Variants in TRDN observed in about 807,000 individuals in gnomAD.
TRDN encodes triadin in skeletal muscle.
A neutral mutation model predicts 149.7 loss-of-function variants in TRDN; 161 were observed. The observed-to-expected ratio is 1.08, with a 90% confidence interval of 0.95 to 1.23. The LOEUF is 1.23. TRDN is among the 50% of genes most tolerant of loss of function. TRDN has a pLI of 0.00. For missense variants in TRDN, 896 were observed against 823.5 expected, an observed-to-expected ratio of 1.09 and a Z score of -1.08; for synonymous variants, 294 against 250.5, an observed-to-expected ratio of 1.17 and a Z score of -1.64.
Position 123,630,247 on chromosome 6 carries a change from T to G in TRDN, c.22+6507A>C, listed in dbSNP as rs9482417. ...TGTCCCCAACGGGTTTCTTTTTGTT[T>G]GAAAGAAGAAAAGAATAATGTTTTA... On this transcript the variant is annotated intron_variant, in intron 1 of 40. Transcript: ENST00000334268. Among the ~76,000 whole-genome samples the G allele has an allele frequency of 2.2e-3, 330 of 152,172 alleles. 1 individual carries two copies. Among genetic ancestry groups the G allele is most frequent in the African/African-American group, 7.6e-3 (316 of 41,558 alleles).
At chr6:123,366,756 G>A (rs1330298947) in intron 19 of TRDN, among the ~76,000 whole-genome samples, 2 of 152,074 alleles carry the variant, frequency 1.3e-5, no homozygotes, top group Non-Finnish European at 2.9e-5. Context: ...GACCTCAGGT[G>A]ATCCGCCCGC....
intron 12 of TRDN, among the ~76,000 whole-genome samples, chr6:123,400,534 C>A (rs1772923300): frequency 6.6e-6 from 1 of 152,026 alleles, no homozygotes; most frequent in Admixed American, 6.6e-5. Flanking sequence ...AATCTAAAGC[C>A]CCCGCTGATC....
chr6:123,500,743 T>C (rs797015985), intron 8 of TRDN, among the ~76,000 whole-genome samples: 5 of 152,274 alleles, frequency 3.3e-5, no homozygotes, highest in African/African-American at 1.2e-4. Flanking sequence ...GGAAAATACA[T>C]TCTGGGTGCA....
chr6:123,498,048 T>C (rs965528937), intron 8 of TRDN: 2 of 153,664 alleles, frequency 1.3e-5, no homozygotes, highest in African/African-American at 4.8e-5. Flanking sequence ...GAACTTTAGA[T>C]TCTCCTGAGG....
intron 33 of TRDN, 37 bp from the exon 34 acceptor site, chr6:123,260,675 G>T: frequency 1.5e-6 from 2 of 1,353,462 alleles, no homozygotes; most frequent in Middle Eastern, 2.7e-4. Flanking sequence ...TAGAAAGAAA[G>T]GAAAAAAAAT....
chr6:123,233,433 C>T (rs2114526467), intron 38 of TRDN, among the ~76,000 whole-genome samples: 1 of 152,088 alleles, frequency 6.6e-6, no homozygotes, highest in South Asian at 2.1e-4. Context: ...ACAGTGAAGC[C>T]AGGAGTGTTC....
chr6:123,487,969 TCTA>T (rs1778045769), intron 9 of TRDN, among the ~76,000 whole-genome samples: 1 of 152,140 alleles, frequency 6.6e-6, no homozygotes, highest in South Asian at 2.1e-4. Context: ...CTAAACTTAT[TCTA>T]CTATTTATTT....
chr6:123,503,702 C>G lies in TRDN; in HGVS notation c.793+17G>C, dbSNP rs1482106028. The G allele has an allele frequency of 1.2e-6, 2 of 1,613,486 alleles. No homozygotes were observed. Among genetic ancestry groups the G allele is most frequent in the Non-Finnish European group, 1.7e-6 (2 of 1,179,716 alleles). On this transcript the variant is annotated intron_variant, in intron 8 of 40. Coordinates refer to ENST00000334268, the MANE Select transcript of TRDN (RefSeq NM_006073.4). ...TTCTCTTAGAACCTCCGGCAGCCTC[C>G]TGCTCTGAATGTTTACCTTTCTGTT...
At chr6:123,571,188 T>C in intron 1 of TRDN, 56 bp from the exon 2 acceptor site, 1 of 1,574,656 alleles carries the variant, frequency 6.4e-7, no homozygotes, top group Non-Finnish European at 8.7e-7. Context: ...TAAATATTGA[T>C]GATGAGAAAC....
chr6:123,612,666 T>C (rs1256402256), intron 1 of TRDN, among the ~76,000 whole-genome samples: 1 of 151,950 alleles, frequency 6.6e-6, no homozygotes, highest in African/African-American at 2.4e-5. Context: ...GGCTCCCAAA[T>C]AGCTGGGACT....
intron 4 of TRDN, among the ~76,000 whole-genome samples, chr6:123,538,542 C>T (rs1320867195): frequency 1.3e-5 from 2 of 152,136 alleles, no homozygotes; most frequent in Non-Finnish European, 2.9e-5. Flanking sequence ...AATACTCTCT[C>T]CCCCTTGAAG....
intron 8 of TRDN, 132 bp downstream of exon 8, chr6:123,503,587 T>C: frequency 3.4e-6 from 5 of 1,475,778 alleles, no homozygotes; most frequent in Non-Finnish European, 3.6e-6. Context: ...TTTTCTGATA[T>C]ATTTACTTTA....
chr6:123,611,104 T>C (rs892354598), intron 1 of TRDN, among the ~76,000 whole-genome samples: 2 of 152,208 alleles, frequency 1.3e-5, no homozygotes, highest in African/African-American at 4.8e-5. Flanking sequence ...TTGTGAGCAT[T>C]CTTAGAGCTG....
At chr6:123,301,758 T>TATATATATAC (rs1778415099) in intron 24 of TRDN, among the ~76,000 whole-genome samples, 1 of 82,572 alleles carries the variant, frequency 1.2e-5, no homozygotes, top group African/African-American at 3.8e-5. Flanking sequence ...TATACATATA[T>TATATATATAC]ATATATATAT....
chr6:123,311,865 C>G (rs770642412), intron 24 of TRDN, among the ~76,000 whole-genome samples: 1 of 151,672 alleles, frequency 6.6e-6, no homozygotes, highest in Non-Finnish European at 1.5e-5. Flanking sequence ...CAGCGTCAAT[C>G]AAAAAAATCA....
At chr6:123,329,533 A>T (rs1364947050) in intron 23 of TRDN, among the ~76,000 whole-genome samples, 1 of 151,972 alleles carries the variant, frequency 6.6e-6, no homozygotes, top group Non-Finnish European at 1.5e-5. Context: ...ATGAGACAAC[A>T]CCTCCTACAG....
chr6:123,452,998 G>T (rs1775882414), intron 10 of TRDN, among the ~76,000 whole-genome samples: 1 of 152,110 alleles, frequency 6.6e-6, no homozygotes, highest in Non-Finnish European at 1.5e-5. Flanking sequence ...ACATAAAGTA[G>T]GGAAAGGACA....
intron 2 of TRDN, among the ~76,000 whole-genome samples, chr6:123,557,100 T>G (rs1040059085): frequency 3.3e-5 from 5 of 149,644 alleles, no homozygotes; most frequent in African/African-American, 9.9e-5. Flanking sequence ...TGACTGTAAT[T>G]TTCCTTTACC....
chr6:123,216,448 AT>A lies in TRDN; in HGVS notation c.*2152del, dbSNP rs200648299. 1.3e-5 allele frequency: 2 copies of A among 151,936 alleles called. 1 individual carries two copies. The highest frequency in any genetic ancestry group is 3.9e-4 in the East Asian group (2 of 5,162). The allele number at this position is 151,936 out of a possible 1,614,324, so 9.4% of individuals were successfully genotyped here. On this transcript the variant is annotated 3_prime_UTR_variant, in exon 41 of 41. Transcript: ENST00000334268. ...TGTAACTTTAATCAGATAAAACGTAATTATTATTAACATTTTTACATTATAG... is the reference window on the plus strand; with the variant it reads ...TGTAACTTTAATCAGATAAAACGTAATATTATTAACATTTTTACATTATAG...
Sources: allele counts gnomAD v4.1 joint callset (sites outside exome capture counted in the v4.1 genomes callset), GRCh38; gene constraint gnomAD v4.1.1; transcripts MANE v1.5; gene names NCBI Gene and HGNC (gene_info 2026-07-23, HGNC 2026-07-21).